RCAN2: variants seen among roughly 807,000 people sequenced by gnomAD.
RCAN2 encodes calcipressin-2.
A neutral mutation model predicts 23.6 loss-of-function variants in RCAN2; 9 were observed. The observed-to-expected ratio is 0.38, with a 90% confidence interval of 0.23 to 0.67. RCAN2 has a LOEUF of 0.67. Ranked by LOEUF, RCAN2 falls within the 30% of genes least tolerant of loss-of-function variation. RCAN2 has a pLI of 0.51. For synonymous variants in RCAN2, 109 were observed against 115.7 expected, an observed-to-expected ratio of 0.94 and a Z score of 0.37; for missense variants, 273 against 302.3, an observed-to-expected ratio of 0.90 and a Z score of 0.72.
At chr6:46,232,756 G>A (rs1376534764) in intron 4 of RCAN2, among the ~76,000 whole-genome samples, 1 of 131,696 alleles carries the variant, frequency 7.6e-6, no homozygotes, top group Non-Finnish European at 1.5e-5. Flanking sequence ...TCATGCCACT[G>A]CACTCCAGCC....
intron 2 of RCAN2, among the ~76,000 whole-genome samples, chr6:46,431,398 C>G (rs1368941505): frequency 6.6e-6 from 1 of 151,982 alleles, no homozygotes; most frequent in Non-Finnish European, 1.5e-5. Flanking sequence ...CTAATGAAAA[C>G]CTCTAGAGAA....
At chr6:46,283,964 T>G (rs1439270517) in intron 2 of RCAN2, among the ~76,000 whole-genome samples, 2 of 152,212 alleles carry the variant, frequency 1.3e-5, no homozygotes, top group Admixed American at 6.5e-5. Flanking sequence ...AGTTGCTGAA[T>G]CTAGGTGGCA....
intron 2 of RCAN2, among the ~76,000 whole-genome samples, chr6:46,360,834 G>T (rs1764990051): frequency 6.6e-6 from 1 of 152,182 alleles, no homozygotes; most frequent in South Asian, 2.1e-4. Context: ...CTTACTTGTT[G>T]ATAATGGAGA....
chr6:46,401,857 C>G (rs961352509), intron 2 of RCAN2, among the ~76,000 whole-genome samples: 1 of 152,120 alleles, frequency 6.6e-6, no homozygotes, highest in Non-Finnish European at 1.5e-5. Context: ...GGGAGACTAA[C>G]TGGAATTCCC....
At chr6:46,346,476 A>G (rs776453333) in intron 2 of RCAN2, among the ~76,000 whole-genome samples, 22 of 152,178 alleles carry the variant, frequency 1.4e-4, no homozygotes, top group Non-Finnish European at 3.1e-4. Context: ...ATAAATATTT[A>G]TGTGCAAGAA....
chr6:46,461,678 C>T (rs1414915715), intron 1 of RCAN2, among the ~76,000 whole-genome samples: 7 of 152,018 alleles, frequency 4.6e-5, no homozygotes, highest in South Asian at 2.1e-4. Flanking sequence ...TTCCGCCTCC[C>T]GGGTTCAAGA....
At chr6:46,451,112 A>T (rs1011402102) in intron 2 of RCAN2, among the ~76,000 whole-genome samples, 3 of 152,128 alleles carry the variant, frequency 2.0e-5, no homozygotes, top group Admixed American at 1.3e-4. Flanking sequence ...CTTATGGGCA[A>T]AATACATTGA....
At chr6:46,325,588 C>A in intron 2 of RCAN2, 1 of 1,485,566 alleles carries the variant, frequency 6.7e-7, no homozygotes, top group South Asian at 1.4e-5. Context: ...CTGCCTTGCT[C>A]TGGGGACGGC....
At chr6:46,387,813 T>C (rs1189993043) in intron 2 of RCAN2, among the ~76,000 whole-genome samples, 1 of 152,230 alleles carries the variant, frequency 6.6e-6, no homozygotes, top group Non-Finnish European at 1.5e-5. Flanking sequence ...CGTATGTTTA[T>C]TGTGGCACTG....
chr6:46,450,751 C>T (rs1183963705), intron 2 of RCAN2, among the ~76,000 whole-genome samples: 5 of 151,918 alleles, frequency 3.3e-5, no homozygotes, highest in East Asian at 1.9e-4. Flanking sequence ...ACATAGAAAC[C>T]GAGAGTAGAA....
chr6:46,297,497 T>G (rs148795675), intron 2 of RCAN2, among the ~76,000 whole-genome samples: 11 of 151,886 alleles, frequency 7.2e-5, no homozygotes, highest in African/African-American at 1.4e-4. Context: ...TCCGGGTGGG[T>G]AGAATAGACA....
chr6:46,305,649 A>T (rs1360880359), intron 2 of RCAN2, among the ~76,000 whole-genome samples: 1 of 152,104 alleles, frequency 6.6e-6, no homozygotes, highest in Non-Finnish European at 1.5e-5. Flanking sequence ...AATTATATGA[A>T]TTAAGTCCAA....
At chr6:46,350,995 G>A (rs1764631070) in intron 2 of RCAN2, among the ~76,000 whole-genome samples, 1 of 152,136 alleles carries the variant, frequency 6.6e-6, no homozygotes, top group Admixed American at 6.5e-5. Context: ...GATGATAATA[G>A]TATCACCTTC....
chr6:46,263,541 G>GTGTA (rs60792749), intron 2 of RCAN2, among the ~76,000 whole-genome samples: 6 of 36,114 alleles, frequency 1.7e-4, no homozygotes, highest in Non-Finnish European at 5.8e-4. Context: ...GTGTGTGTAT[G>GTGTA]TGTGTGTGTG....
chr6:46,281,888 G>T (rs575550456), intron 2 of RCAN2, among the ~76,000 whole-genome samples: 2 of 152,172 alleles, frequency 1.3e-5, no homozygotes, highest in Non-Finnish European at 2.9e-5. Flanking sequence ...CTTTATCCAA[G>T]GTCACACAGT....
At chr6:46,278,392 C>T (rs1039859257) in intron 2 of RCAN2, among the ~76,000 whole-genome samples, 3 of 151,704 alleles carry the variant, frequency 2.0e-5, no homozygotes, top group South Asian at 4.2e-4. Flanking sequence ...CACACACACA[C>T]ATACACACAA....
chr6:46,279,305 C>CAA (rs145728300), intron 2 of RCAN2, among the ~76,000 whole-genome samples: 2,880 of 152,254 alleles, frequency 0.019, 85 homozygotes, highest in African/African-American at 0.062. Context: ...CAGGCAATAC[C>CAA]AAGAGTGCCC....
chr6:46,261,322 T>C (rs1052389143), intron 2 of RCAN2, among the ~76,000 whole-genome samples: 1 of 152,230 alleles, frequency 6.6e-6, no homozygotes, highest in Non-Finnish European at 1.5e-5. Context: ...CTAGTTTAAA[T>C]GCTGGTCCCA....
chr6:46,293,462 C>A (rs559678689), intron 2 of RCAN2, among the ~76,000 whole-genome samples: 3 of 152,056 alleles, frequency 2.0e-5, no homozygotes, highest in Non-Finnish European at 1.5e-5. Flanking sequence ...TATATAGAAG[C>A]TTTAATAGAT....
Sources: allele counts gnomAD v4.1 joint callset (sites outside exome capture counted in the v4.1 genomes callset), GRCh38; gene constraint gnomAD v4.1.1; transcripts MANE v1.5; gene names NCBI Gene and HGNC (gene_info 2026-07-23, HGNC 2026-07-21).